The following SNTG1 variants were observed in gnomAD, a reference collection of about 807,000 sequenced individuals.
SNTG1 encodes the protein syntrophin gamma 1.
Under a neutral mutation model 74.7 loss-of-function variants are expected in SNTG1, and 39 were observed. The ratio of observed to expected loss-of-function variants is 0.52; its 90% CI spans 0.40 to 0.68. The LOEUF is 0.68. Among genes scored for constraint, SNTG1 ranks in the 30% least tolerant of loss-of-function variants. The pLI, the probability that SNTG1 is intolerant of heterozygous loss-of-function variation, is 0.00. For synonymous variants in SNTG1, 254 were observed against 217.1 expected (o/e 1.17, Z -1.49); for missense variants, 685 against 609.5 (o/e 1.12, Z -1.30).
At chr8:50,148,493 G>T (rs1036970715) in intron 1 of SNTG1, among the ~76,000 whole-genome samples, 11 of 152,000 alleles carry the variant, frequency 7.2e-5, no homozygotes, top group Non-Finnish European at 5.9e-5. Context: ...ATGCCATGTT[G>T]GTGTGCTGCA....
chr8:50,688,140 A>G (rs1321129378), intron 15 of SNTG1, among the ~76,000 whole-genome samples: 2 of 151,924 alleles, frequency 1.3e-5, no homozygotes, highest in African/African-American at 4.8e-5. Flanking sequence ...GAGTTCATTG[A>G]AGATTCTGTA....
chr8:50,735,335 A>C (rs1348281621), intron 17 of SNTG1, among the ~76,000 whole-genome samples: 1 of 151,844 alleles, frequency 6.6e-6, no homozygotes, highest in African/African-American at 2.4e-5. Flanking sequence ...AATCTAAAGG[A>C]GCATGTTCTA....
chr8:49,972,726 A>G (rs952431574), intron 1 of SNTG1, among the ~76,000 whole-genome samples: 1 of 152,228 alleles, frequency 6.6e-6, no homozygotes, highest in Admixed American at 6.5e-5. Context: ...ACACTTCTCA[A>G]AAGAAGACAT....
At chr8:50,374,852 G>GT in intron 2 of SNTG1, among the ~76,000 whole-genome samples, 3 of 152,206 alleles carry the variant, frequency 2.0e-5, no homozygotes, top group Middle Eastern at 6.8e-3. Flanking sequence ...CAAATTGGAA[G>GT]TTGGAAAACT....
At chr8:50,364,298 A>AATG (rs1244490714) in intron 2 of SNTG1, among the ~76,000 whole-genome samples, 1 of 152,108 alleles carries the variant, frequency 6.6e-6, no homozygotes, top group African/African-American at 2.4e-5. Flanking sequence ...ACTTGTCATG[A>AATG]ATGATGAAAG....
At chr8:50,285,038 T>G (rs966956623) in intron 2 of SNTG1, among the ~76,000 whole-genome samples, 4 of 152,170 alleles carry the variant, frequency 2.6e-5, no homozygotes, top group Non-Finnish European at 5.9e-5. Flanking sequence ...TTCATTTGTG[T>G]GCTTTTATTA....
chr8:50,211,681 C>T (rs549145737), intron 2 of SNTG1, among the ~76,000 whole-genome samples: 16 of 152,130 alleles, frequency 1.1e-4, no homozygotes, highest in African/African-American at 3.4e-4. Context: ...GATTCCACGT[C>T]TTATTTTTTT....
chr8:50,260,437 A>G (rs548857370), intron 2 of SNTG1, among the ~76,000 whole-genome samples: 5 of 152,224 alleles, frequency 3.3e-5, no homozygotes, highest in Admixed American at 3.3e-4. Flanking sequence ...TTCTCCACAC[A>G]CAACTTACAA....
At chr8:50,406,606 CT>C (rs894252994) in intron 4 of SNTG1, among the ~76,000 whole-genome samples, 1 of 151,822 alleles carries the variant, frequency 6.6e-6, no homozygotes, top group African/African-American at 2.4e-5. Context: ...CATTTTTTTT[CT>C]TATTCCAGAT....
At chr8:50,694,915 G>A (rs189555319) in intron 15 of SNTG1, among the ~76,000 whole-genome samples, 31 of 149,532 alleles carry the variant, frequency 2.1e-4, no homozygotes, top group Admixed American at 5.3e-4. Context: ...CAACAGATTA[G>A]TTATAAAAGA....
At chr8:50,597,370 TGTATATATAC>T (rs2094736507) in intron 13 of SNTG1, among the ~76,000 whole-genome samples, 36 of 139,040 alleles carry the variant, frequency 2.6e-4, no homozygotes, top group Admixed American at 2.0e-3. Context: ...CACATATACA[TGTATATATAC>T]ACATATATAC....
intron 1 of SNTG1, among the ~76,000 whole-genome samples, chr8:49,950,261 A>G (rs946932503): frequency 5.9e-5 from 9 of 152,246 alleles, no homozygotes; most frequent in Admixed American, 3.3e-4. Context: ...CTTAATTTCT[A>G]TTAAAATGAA....
chr8:49,923,384 G>T (rs1369410032), intron 1 of SNTG1, among the ~76,000 whole-genome samples: 1 of 152,004 alleles, frequency 6.6e-6, no homozygotes, highest in African/African-American at 2.4e-5. Flanking sequence ...ATGAAGCCTA[G>T]AAATTATTTA....
intron 1 of SNTG1, among the ~76,000 whole-genome samples, chr8:49,914,744 G>A (rs1254366645): frequency 6.6e-6 from 1 of 152,124 alleles, no homozygotes; most frequent in Non-Finnish European, 1.5e-5. Flanking sequence ...CTAATATTTA[G>A]TAATTGGCTG....
chr8:50,758,395 C>A (rs893294439), intron 18 of SNTG1, among the ~76,000 whole-genome samples: 7 of 151,940 alleles, frequency 4.6e-5, no homozygotes, highest in African/African-American at 1.7e-4. Flanking sequence ...TAGGTATACA[C>A]GTGCCATGGT....
chr8:50,051,271 A>ACACACAC (rs1563524306), intron 1 of SNTG1, among the ~76,000 whole-genome samples: 4 of 68,156 alleles, frequency 5.9e-5, no homozygotes, highest in Non-Finnish European at 6.9e-5. Context: ...CACACACACA[A>ACACACAC]ACAAACAAGA....
chr8:50,414,556 A>T (rs1323729969), intron 4 of SNTG1, among the ~76,000 whole-genome samples: 2 of 152,006 alleles, frequency 1.3e-5, no homozygotes, highest in Non-Finnish European at 2.9e-5. Flanking sequence ...TTACCTGTGA[A>T]TCTTTATACT....
In SNTG1 at chr8:49,978,045, C is replaced by T. The variant is rs541163854; in HGVS notation, c.-103+65814C>T. On this transcript the variant is annotated intron_variant, in intron 1 of 18. Transcript: ENST00000642720. ...GTGAATACCTGCAAAATATTTCCCA[C>T]GGGGCCTGTTGCCAACCCAGCTCAC... Among the ~76,000 whole-genome samples, 9 of 152,186 alleles carry T rather than the reference C, an allele frequency of 5.9e-5. No individual in the cohort carries two copies. The East Asian group carries it at 9.6e-4, about 16-fold the overall frequency.
intron 13 of SNTG1, among the ~76,000 whole-genome samples, chr8:50,625,603 T>C (rs1483263839): frequency 2.0e-5 from 3 of 152,222 alleles, no homozygotes; most frequent in Non-Finnish European, 4.4e-5. Context: ...AATCATAGAT[T>C]ATCATAGATA....
Sources: gnomAD v4.1 joint callset for allele counts (sites outside exome capture counted in the v4.1 genomes callset) on GRCh38, gnomAD v4.1.1 for gene constraint, MANE v1.5 for transcripts, NCBI Gene and HGNC (gene_info 2026-07-23, HGNC 2026-07-21) for gene names.